Variants in GPD2 observed in about 807,000 individuals in gnomAD.
The protein encoded by GPD2 is glycerol-3-phosphate dehydrogenase, mitochondrial.
GPD2 carries 54 observed loss-of-function variants against 82.4 expected under a neutral mutation model. The ratio of observed to expected loss-of-function variants is 0.66; its 90% CI spans 0.53 to 0.82. The LOEUF is 0.82. Among genes scored for constraint, GPD2 ranks in the 40% least tolerant of loss-of-function variants. The pLI is 0.00. For missense variants in GPD2, 748 were observed against 896.2 expected (o/e 0.83, Z 2.11); for synonymous variants, 288 against 306.1 (o/e 0.94, Z 0.62).
chr2:156,432,406 T>A (rs1168873927), upstream of GPD2, among the ~76,000 whole-genome samples: 2 of 152,086 alleles, frequency 1.3e-5, no homozygotes, highest in African/African-American at 4.8e-5. Flanking sequence ...TCAGCCCCTG[T>A]CCCCCTCCCT....
In GPD2 at chr2:156,452,555, G is replaced by A. The variant is rs113409688; in HGVS notation, c.-9+16042G>A. Among the ~76,000 whole-genome samples the A allele has an allele frequency of 3.0e-4, 45 of 152,318 alleles. 2 individuals are homozygous for A. Among genetic ancestry groups the A allele is most frequent in the African/African-American group, 9.9e-4 (41 of 41,574 alleles). ...ATGGAAAGAGAGGGAGAGGGAGACC[G>A]TGGGGAGAGGGGAGAGGGGAGAGGG... On this transcript the variant is annotated intron_variant, in intron 1 of 16. Coordinates refer to ENST00000438166, the MANE Select transcript of GPD2 (RefSeq NM_000408.5).
intron 6 of GPD2, among the ~76,000 whole-genome samples, chr2:156,540,642 G>A (rs13399570): frequency 0.02 from 3,030 of 152,264 alleles, 91 homozygotes; most frequent in African/African-American, 0.068. Flanking sequence ...TCTGTGGTTT[G>A]TAAGAGAAAA....
chr2:156,563,270 TG>T (rs972095206), intron 9 of GPD2, among the ~76,000 whole-genome samples: 3 of 152,144 alleles, frequency 2.0e-5, no homozygotes, highest in Admixed American at 2.0e-4. Context: ...ATACAGTATT[TG>T]GGGTATTGAA....
chr2:156,426,744 C>T, the GPD2 span, among the ~76,000 whole-genome samples: 2 of 151,980 alleles, frequency 1.3e-5, no homozygotes, highest in African/African-American at 4.8e-5. Context: ...ATAGAGAGAA[C>T]AAACTGGAGA....
chr2:156,446,735 T>C (rs1682382718), intron 1 of GPD2, among the ~76,000 whole-genome samples: 1 of 152,118 alleles, frequency 6.6e-6, no homozygotes, highest in African/African-American at 2.4e-5. Flanking sequence ...GGCTAATTTT[T>C]ATATTTTTAG....
Position 156,568,808 on chromosome 2 carries a change from G to A in GPD2, c.1166-17G>A, listed in dbSNP as rs748677218. ...TTTTGAGCAATGTTCATAACCCTTG[G>A]CATTGATTCCTACCAGTGAGAAGAG... On this transcript the variant is annotated splice_polypyrimidine_tract_variant and intron_variant, in intron 9 of 16. Transcript: ENST00000438166. The A allele has an allele frequency of 6.2e-7, 1 of 1,608,666 alleles. No homozygotes were observed. The highest frequency in any genetic ancestry group is 1.7e-5 in the Admixed American group (1 of 59,848).
chr2:156,557,259 A>G, intron 8 of GPD2, 130 bp from the exon 9 acceptor site: 1 of 701,874 alleles, frequency 1.4e-6, no homozygotes, highest in South Asian at 1.6e-5. Context: ...GGGTAGGGGA[A>G]GTGCAAGTAA....
the GPD2 span, among the ~76,000 whole-genome samples, chr2:156,416,020 C>CA: frequency 0.017 from 766 of 43,936 alleles, 38 homozygotes; most frequent in Middle Eastern, 0.028. Flanking sequence ...GACTCCGTCT[C>CA]AAAAAAAAAA....
At chr2:156,523,758 G>A (rs1316911194) in intron 6 of GPD2, among the ~76,000 whole-genome samples, 5 of 152,104 alleles carry the variant, frequency 3.3e-5, no homozygotes, top group Non-Finnish European at 7.4e-5. Context: ...TGCCCAGGCT[G>A]GTCTTGAACT....
intron 2 of GPD2, among the ~76,000 whole-genome samples, chr2:156,491,877 A>T (rs1479599776): frequency 6.6e-6 from 1 of 151,832 alleles, no homozygotes; most frequent in Non-Finnish European, 1.5e-5. Context: ...AAAATTAGCC[A>T]GGCGTGGTGG....
At chr2:156,474,053 A>G (rs1287052104) in intron 1 of GPD2, among the ~76,000 whole-genome samples, 1 of 152,106 alleles carries the variant, frequency 6.6e-6, no homozygotes, top group Non-Finnish European at 1.5e-5. Context: ...TTTTTTAGAG[A>G]CAGAGTCTTG....
chr2:156,481,022 G>A (rs1437297246), intron 2 of GPD2, among the ~76,000 whole-genome samples: 1 of 151,880 alleles, frequency 6.6e-6, no homozygotes, highest in Non-Finnish European at 1.5e-5. Flanking sequence ...ATTGATTGGT[G>A]TGCCATTCAT....
intron 13 of GPD2, among the ~76,000 whole-genome samples, chr2:156,572,703 G>A (rs927773921): frequency 2.0e-5 from 3 of 152,164 alleles, no homozygotes; most frequent in Non-Finnish European, 4.4e-5. Flanking sequence ...TAGAAGCATA[G>A]GATATAAGGA....
At chr2:156,568,507 T>C (rs1687472721) in intron 9 of GPD2, among the ~76,000 whole-genome samples, 1 of 152,164 alleles carries the variant, frequency 6.6e-6, no homozygotes, top group African/African-American at 2.4e-5. Context: ...TTTTTCTTTC[T>C]TGTTTTTCTA....
Position 156,519,663 on chromosome 2 carries a change from C to G in GPD2, c.661+6167C>G, listed in dbSNP as rs58169073. ...GTCATTAAGATTGTGGGATCTGCAA[C>G]TGTCCTTAAAACCTAGTGAGATAGG... On this transcript the variant is annotated intron_variant, in intron 6 of 16. Coordinates refer to ENST00000438166, the MANE Select transcript of GPD2 (RefSeq NM_000408.5). Among the ~76,000 whole-genome samples the G allele has an allele frequency of 8.7e-3, 1,330 of 152,328 alleles. 19 individuals are homozygous for G. The highest frequency in any genetic ancestry group is 0.025 in the African/African-American group (1,053 of 41,574).
intron 6 of GPD2, 73 bp from the exon 7 acceptor site, chr2:156,549,535 G>A (rs1686672051): frequency 2.3e-6 from 3 of 1,302,536 alleles, no homozygotes; most frequent in Admixed American, 3.4e-5. Context: ...TATCTGTTGT[G>A]ACACACTTTT....
At chr2:156,437,885 T>C (rs1283408739) in intron 1 of GPD2, among the ~76,000 whole-genome samples, 1 of 152,200 alleles carries the variant, frequency 6.6e-6, no homozygotes, top group Admixed American at 6.5e-5. Context: ...TTTAATCTCA[T>C]TGTAGATATT....
At chr2:156,426,072 C>T in the GPD2 span, among the ~76,000 whole-genome samples, 8 of 152,012 alleles carry the variant, frequency 5.3e-5, no homozygotes, top group Non-Finnish European at 1.0e-4. Context: ...TACAGGCGCC[C>T]ACCACCACGC....
At chr2:156,423,450 G>T in the GPD2 span, among the ~76,000 whole-genome samples, 1 of 151,884 alleles carries the variant, frequency 6.6e-6, no homozygotes, top group Non-Finnish European at 1.5e-5. Context: ...AGCATTTTTG[G>T]TTAGTTTCAC....
Sources: allele counts gnomAD v4.1 joint callset (sites outside exome capture counted in the v4.1 genomes callset), GRCh38; gene constraint gnomAD v4.1.1; transcripts MANE v1.5; gene names NCBI Gene and HGNC (gene_info 2026-07-23, HGNC 2026-07-21).